The following LRRC28 variants were observed in gnomAD, a reference collection of about 807,000 sequenced individuals.
LRRC28 encodes the protein leucine rich repeat containing 28, also known as leucine-rich repeat-containing protein 28.
LRRC28 carries 39 observed loss-of-function variants against 45.7 expected under a neutral mutation model. That is an observed-to-expected ratio of 0.85 (90% CI 0.66 to 1.12). The LOEUF is 1.12. Among genes scored for constraint, LRRC28 ranks in the 50% most tolerant of loss-of-function variants. The pLI is 0.00. For missense variants in LRRC28, 435 were observed against 438.5 expected (o/e 0.99, Z 0.07); for synonymous variants, 206 against 178.8 (o/e 1.15, Z -1.22).
intron 4 of LRRC28, 88 bp from the exon 5 acceptor site, chr15:99,287,725 TA>T: frequency 7.2e-7 from 1 of 1,395,538 alleles, no homozygotes; most frequent in Non-Finnish European, 9.7e-7. Context: ...AATTAAGTAG[TA>T]AAATATTTTA....
At chr15:99,382,751 GCATTTGAAAAAAA>G (rs60357502) in intron 9 of LRRC28, among the ~76,000 whole-genome samples, 18,486 of 151,730 alleles carry the variant, frequency 0.12, 1,328 homozygotes, top group East Asian at 0.31. Context: ...TGGTCCATGG[GCATTTGAAAAAAA>G]CAACGTAGAT....
At chr15:99,269,031 C>T (rs2081404394) in intron 2 of LRRC28, among the ~76,000 whole-genome samples, 1 of 152,038 alleles carries the variant, frequency 6.6e-6, no homozygotes, top group Non-Finnish European at 1.5e-5. Flanking sequence ...AAATTTCTAT[C>T]AAATTCAGAA....
chr15:99,302,813 C>G (rs1955032460), intron 5 of LRRC28, among the ~76,000 whole-genome samples: 1 of 152,110 alleles, frequency 6.6e-6, no homozygotes, highest in African/African-American at 2.4e-5. Flanking sequence ...TGTACATAAC[C>G]TCATGTTTTA....
rs1325533954 is a variant in LRRC28 at position 99,390,162 on chromosome 15, A to T, written c.*4060A>T. 6.6e-6 allele frequency: 1 copy of T among 152,170 alleles called. No individual in the cohort carries two copies. The highest frequency in any genetic ancestry group is 2.4e-5 in the African/African-American group (1 of 41,420). 9.4% of individuals were successfully genotyped at this position (152,170 alleles called of 1,614,324 possible). ...TTCACTGTGCCTACAGTGAGGAGCT[A>T]CCTCCTTGTGTCATCAGCTAATAGA... is the stretch of plus-strand genomic sequence containing the variant. On this transcript the variant is annotated 3_prime_UTR_variant, in exon 10 of 10. Transcript: ENST00000301981.
chr15:99,344,016 C>T (rs1956603789), intron 6 of LRRC28, among the ~76,000 whole-genome samples: 1 of 152,124 alleles, frequency 6.6e-6, no homozygotes, highest in Non-Finnish European at 1.5e-5. Flanking sequence ...GTCCTGGCCT[C>T]CCCACCAGGC....
At chr15:99,252,830 C>T (rs548113791) in intron 1 of LRRC28, among the ~76,000 whole-genome samples, 1 of 152,256 alleles carries the variant, frequency 6.6e-6, no homozygotes, top group East Asian at 1.9e-4. Flanking sequence ...AAACGTGTGC[C>T]ATGGTGATTT....
At chr15:99,385,921 G>A in intron 9 of LRRC28, 109 bp from the exon 10 acceptor site, 2 of 932,234 alleles carry the variant, frequency 2.1e-6, no homozygotes, top group Non-Finnish European at 3.5e-6. Context: ...GCAGTTTGTT[G>A]ACCATGGCTA....
chr15:99,308,594 T>C (rs1955280011), intron 5 of LRRC28, among the ~76,000 whole-genome samples: 1 of 152,142 alleles, frequency 6.6e-6, no homozygotes, highest in Non-Finnish European at 1.5e-5. Context: ...ATTGCTTGAC[T>C]CTAGAATATT....
intron 8 of LRRC28, among the ~76,000 whole-genome samples, chr15:99,362,258 G>A (rs191471573): frequency 7.9e-5 from 12 of 152,338 alleles, no homozygotes; most frequent in African/African-American, 1.2e-4. Flanking sequence ...GCAAAGTTAA[G>A]TTGGTTTTAA....
chr15:99,269,892 A>G (rs1216134626), intron 2 of LRRC28, among the ~76,000 whole-genome samples: 1 of 152,216 alleles, frequency 6.6e-6, no homozygotes, highest in African/African-American at 2.4e-5. Flanking sequence ...CAAGAGACAA[A>G]GGTAATGGTA....
At chr15:99,362,648 C>T (rs1957235460) in intron 8 of LRRC28, among the ~76,000 whole-genome samples, 2 of 152,144 alleles carry the variant, frequency 1.3e-5, no homozygotes, top group African/African-American at 4.8e-5. Context: ...TCCTCCTTTT[C>T]ATTCTCTTCA....
intron 5 of LRRC28, among the ~76,000 whole-genome samples, chr15:99,290,963 G>A (rs542512567): frequency 1.3e-5 from 2 of 152,232 alleles, no homozygotes; most frequent in Non-Finnish European, 2.9e-5. Flanking sequence ...GTGAGACTCT[G>A]TCCCCAAACC....
intron 7 of LRRC28, among the ~76,000 whole-genome samples, chr15:99,354,542 T>C (rs1183734838): frequency 2.6e-5 from 4 of 152,132 alleles, no homozygotes; most frequent in Non-Finnish European, 4.4e-5. Context: ...AAAGTGCCCT[T>C]CTTGATTCAG....
chr15:99,311,595 T>C (rs1050175728), intron 5 of LRRC28, among the ~76,000 whole-genome samples: 7 of 152,248 alleles, frequency 4.6e-5, no homozygotes, highest in African/African-American at 1.7e-4. Flanking sequence ...GTTGGCAAAC[T>C]ATGACACACA....
At chr15:99,255,851 C>A in intron 1 of LRRC28, 47 bp from the exon 2 acceptor site, 1 of 1,283,314 alleles carries the variant, frequency 7.8e-7, no homozygotes, top group Non-Finnish European at 1.1e-6. Flanking sequence ...TATGGCAATT[C>A]TTGTAAAAAA....
chr15:99,382,529 C>T (rs1025356129), intron 9 of LRRC28, among the ~76,000 whole-genome samples: 7 of 152,118 alleles, frequency 4.6e-5, no homozygotes, highest in South Asian at 2.1e-4. Context: ...TGTTTAATTT[C>T]AAAATATTTA....
chr15:99,361,767 C>A, intron 8 of LRRC28, among the ~76,000 whole-genome samples: 1 of 152,132 alleles, frequency 6.6e-6, no homozygotes, highest in Non-Finnish European at 1.5e-5. Context: ...TTAGCACCCC[C>A]TACAGGCACA....
At chr15:99,252,956 A>G (rs987683048) in intron 1 of LRRC28, among the ~76,000 whole-genome samples, 1 of 152,228 alleles carries the variant, frequency 6.6e-6, no homozygotes, top group Admixed American at 6.5e-5. Context: ...CAGGATTTCT[A>G]AATAAGTTTC....
intron 5 of LRRC28, among the ~76,000 whole-genome samples, chr15:99,302,531 G>A (rs369472264): frequency 3.9e-5 from 6 of 152,168 alleles, no homozygotes; most frequent in East Asian, 3.9e-4. Flanking sequence ...TGGGATTACA[G>A]GCATGTGCCA....
Sources: allele counts gnomAD v4.1 joint callset (sites outside exome capture counted in the v4.1 genomes callset), GRCh38; gene constraint gnomAD v4.1.1; transcripts MANE v1.5; gene names NCBI Gene and HGNC (gene_info 2026-07-23, HGNC 2026-07-21).